The following CAMK1D variants were observed in gnomAD, a reference collection of about 807,000 sequenced individuals.
CAMK1D encodes calcium/calmodulin-dependent protein kinase type 1D.
CAMK1D carries 9 observed loss-of-function variants against 47.7 expected under a neutral mutation model. That is an observed-to-expected ratio of 0.19 (90% CI 0.11 to 0.33). The LOEUF (loss-of-function observed/expected upper bound fraction) is 0.33. Among genes scored for constraint, CAMK1D ranks in the 10% least tolerant of loss-of-function variants. The probability of loss-of-function intolerance (pLI) is 1.00; values close to 1 mark genes in which losing one functional copy is unlikely to be tolerated. For synonymous variants in CAMK1D, 184 were observed against 184.9 expected (o/e 0.99, Z 0.04); for missense variants, 291 against 488.7 (o/e 0.60, Z 3.81).
intron 1 of CAMK1D, among the ~76,000 whole-genome samples, chr10:12,387,467 A>G (rs1331609382): frequency 4.7e-5 from 6 of 128,116 alleles, no homozygotes; most frequent in Non-Finnish European, 8.0e-5. Context: ...ATATATATAG[A>G]CATTGTAAAC....
intron 1 of CAMK1D, among the ~76,000 whole-genome samples, chr10:12,441,583 C>T (rs1832785768): frequency 6.7e-6 from 1 of 149,860 alleles, no homozygotes; most frequent in Non-Finnish European, 1.5e-5. Flanking sequence ...GAGGCTGAGG[C>T]GGGTGGATCA....
chr10:12,464,582 G>A (rs1833535647), intron 1 of CAMK1D, among the ~76,000 whole-genome samples: 1 of 152,152 alleles, frequency 6.6e-6, no homozygotes, highest in Admixed American at 6.5e-5. Context: ...TTGGGAGGCC[G>A]AGGCAGGCGG....
intron 3 of CAMK1D, among the ~76,000 whole-genome samples, chr10:12,671,643 A>G (rs920616148): frequency 1.3e-5 from 2 of 151,678 alleles, no homozygotes; most frequent in East Asian, 3.9e-4. Context: ...ATACACGTAT[A>G]CACACACACA....
At chr10:12,751,867 C>T (rs868828591) in intron 3 of CAMK1D, among the ~76,000 whole-genome samples, 1 of 152,124 alleles carries the variant, frequency 6.6e-6, no homozygotes, top group Non-Finnish European at 1.5e-5. Context: ...ACCCAGAAGC[C>T]GCTGAGACTT....
intron 1 of CAMK1D, among the ~76,000 whole-genome samples, chr10:12,361,248 GTTT>G (rs55700646): frequency 1.0e-4 from 12 of 120,068 alleles, no homozygotes; most frequent in South Asian, 2.8e-4. Flanking sequence ...CTATTTGACT[GTTT>G]TTTTTTTTTT....
rs149832797 is a variant in CAMK1D, at chr10:12,765,898, A to C, written c.439-3775A>C. On this transcript the variant is annotated intron_variant, in intron 4 of 10. Transcript: ENST00000619168. The stretch of plus-strand genomic sequence containing the variant: ...CCATTTGTATAGGACACAAAAAACT[A>C]GTTAGGGCTAGGTGTGCCATTTCCA... Among the ~76,000 whole-genome samples the C allele has an allele frequency of 7.5e-3, 1,127 of 150,376 alleles. 13 individuals are homozygous for C. Among genetic ancestry groups the C allele is most frequent in the African/African-American group, 0.026 (1,055 of 40,806 alleles).
At chr10:12,606,581 C>T (rs746318766) in intron 2 of CAMK1D, among the ~76,000 whole-genome samples, 7 of 152,150 alleles carry the variant, frequency 4.6e-5, no homozygotes, top group Non-Finnish European at 1.0e-4. Context: ...TCTGTGGAGT[C>T]TCCCTTTGCC....
chr10:12,630,315 A>T (rs1234718747), intron 2 of CAMK1D, among the ~76,000 whole-genome samples: 1 of 141,018 alleles, frequency 7.1e-6, no homozygotes, highest in Non-Finnish European at 1.5e-5. Context: ...CCCACCGCGT[A>T]TATATTGTGA....
Position 12,829,060 on chromosome 10 carries a change from C to A in CAMK1D, c.*173C>A, listed in dbSNP as rs2131138912. On this transcript the variant is annotated 3_prime_UTR_variant, in exon 11 of 11. Transcript: ENST00000619168. The stretch of plus-strand genomic sequence containing the variant: ...TTTTCTACTGCAATTCTGAAGTGTT[C>A]ATTTCTCACAAACTGTACTGACTCG... 3.5e-6 allele frequency: 2 copies of A among 568,018 alleles called. No individual in the cohort carries two copies. Among genetic ancestry groups the A allele is most frequent in the East Asian group, 3.0e-5 (1 of 33,608 alleles). 35.2% of individuals were successfully genotyped at this position (568,018 alleles called of 1,614,324 possible).
chr10:12,408,150 G>T (rs1186626901), intron 1 of CAMK1D, among the ~76,000 whole-genome samples: 1 of 139,470 alleles, frequency 7.2e-6, no homozygotes, highest in South Asian at 2.4e-4. Flanking sequence ...AAGCCACCGC[G>T]CCTGGCCTCT....
At chr10:12,680,149 C>T (rs1311378176) in intron 3 of CAMK1D, among the ~76,000 whole-genome samples, 2 of 152,158 alleles carry the variant, frequency 1.3e-5, no homozygotes, top group African/African-American at 4.8e-5. Context: ...TGTAAACTTC[C>T]TAGTGTTCCC....
chr10:12,534,498 C>G (rs982832164), intron 1 of CAMK1D, among the ~76,000 whole-genome samples: 1 of 152,202 alleles, frequency 6.6e-6, no homozygotes, highest in Non-Finnish European at 1.5e-5. Flanking sequence ...TCCTGAGTAG[C>G]TGGAATTACA....
intron 1 of CAMK1D, among the ~76,000 whole-genome samples, chr10:12,518,599 A>G (rs1343702771): frequency 3.1e-5 from 3 of 96,274 alleles, no homozygotes; most frequent in African/African-American, 1.2e-4. Flanking sequence ...CAAGTGAACA[A>G]AGGTCTCTGG....
At chr10:12,622,727 G>T (rs1366493190) in intron 2 of CAMK1D, among the ~76,000 whole-genome samples, 4 of 152,172 alleles carry the variant, frequency 2.6e-5, no homozygotes, top group African/African-American at 9.6e-5. Context: ...GGAGCGGCCC[G>T]GGAGGCTTTG....
chr10:12,749,574 G>T (rs4996161), intron 3 of CAMK1D, among the ~76,000 whole-genome samples: 38,695 of 143,560 alleles, frequency 0.27, 6,697 homozygotes, highest in African/African-American at 0.48. Flanking sequence ...TTGTTTGTTT[G>T]TTTTGATGAA....
chr10:12,493,379 G>A (rs1834446211), intron 1 of CAMK1D, among the ~76,000 whole-genome samples: 2 of 152,208 alleles, frequency 1.3e-5, no homozygotes, highest in Admixed American at 6.5e-5. Flanking sequence ...AAACTTCCAT[G>A]ATCGCTGAGT....
In CAMK1D at chr10:12,569,592, G is replaced by C. The variant is rs184195046; in HGVS notation, c.224+16236G>C. ...AAATTAGCCGGGCTTGGTGGCGGGC[G>C]CCTGTAGTCCCAGCTACTCGGGAAG... On this transcript the variant is annotated intron_variant, in intron 2 of 10. Transcript: ENST00000619168. Among the ~76,000 whole-genome samples, 153 of 151,562 alleles carry C rather than the reference G, an allele frequency of 1.0e-3. 1 individual carries two copies. Among genetic ancestry groups the C allele is most frequent in the African/African-American group, 3.7e-3 (151 of 41,330 alleles).
At chr10:12,401,835 G>A (rs1839235839) in intron 1 of CAMK1D, among the ~76,000 whole-genome samples, 1 of 151,892 alleles carries the variant, frequency 6.6e-6, no homozygotes, top group East Asian at 1.9e-4. Context: ...GTATAGGGGA[G>A]TAGTGAGAGA....
At chr10:12,356,157 C>T (rs917807213) in intron 1 of CAMK1D, among the ~76,000 whole-genome samples, 2 of 151,654 alleles carry the variant, frequency 1.3e-5, no homozygotes, top group African/African-American at 2.4e-5. Context: ...AAAATCTGCC[C>T]GCCCCCACCT....
Sources: allele counts gnomAD v4.1 joint callset (sites outside exome capture counted in the v4.1 genomes callset), GRCh38; gene constraint gnomAD v4.1.1; transcripts MANE v1.5; gene names NCBI Gene and HGNC (gene_info 2026-07-23, HGNC 2026-07-21).